The following COQ8B variants were observed in gnomAD, a reference collection of about 807,000 sequenced individuals.
The protein encoded by COQ8B is coenzyme Q8B, also known as atypical kinase COQ8B, mitochondrial.
COQ8B carries 44 observed loss-of-function variants against 62.0 expected under a neutral mutation model. The observed-to-expected ratio is 0.71, with a 90% CI of 0.56 to 0.91. The LOEUF is 0.91. Among genes scored for constraint, COQ8B ranks in the 40% least tolerant of loss-of-function variants. COQ8B has a pLI of 0.00. For synonymous variants in COQ8B, 252 were observed against 289.9 expected, an observed-to-expected ratio of 0.87 and a Z score of 1.33; for missense variants, 649 against 731.6, an observed-to-expected ratio of 0.89 and a Z score of 1.30.
intron 12 of COQ8B, among the ~76,000 whole-genome samples, chr19:40,697,839 T>TATATAC: frequency 2.1e-5 from 1 of 47,644 alleles, no homozygotes; most frequent in East Asian, 4.7e-4. Context: ...TATATATATA[T>TATATAC]ATATATATAT....
At chr19:40,714,702 CCT>C (rs1330306855) in intron 1 of COQ8B, 67 bp from the exon 2 acceptor site, 6 of 1,424,648 alleles carry the variant, frequency 4.2e-6, no homozygotes, top group Middle Eastern at 1.8e-4. Flanking sequence ...CCCCCATGTT[CCT>C]CTGTGTCCAC....
Position 40,714,128 on chromosome 19 carries a change from ACTC to A in COQ8B, c.225_227del (p.Ser76del), listed in dbSNP as rs1348325174. 6.2e-7 allele frequency: 1 copy of A among 1,614,156 alleles called. No individual in the cohort carries two copies. Among genetic ancestry groups the A allele is most frequent in the South Asian group, 1.1e-5 (1 of 91,084 alleles). ...GCACCTTGCGTTCTCGAGAGCGGTC[ACTC>A]AGCTGGGAAATGGGGACAAGGTCTG... is the stretch of plus-strand genomic sequence containing the variant. On this transcript the variant is annotated inframe_deletion and splice_region_variant, in exon 4 of 15. Coordinates refer to ENST00000324464, the MANE Select transcript of COQ8B (RefSeq NM_024876.4).
At chr19:40,693,795 T>G (rs2081992060) in intron 13 of COQ8B, among the ~76,000 whole-genome samples, 1 of 152,104 alleles carries the variant, frequency 6.6e-6, no homozygotes, top group Non-Finnish European at 1.5e-5. Flanking sequence ...AATACTATAA[T>G]CTACCATTAT....
intron 5 of COQ8B, among the ~76,000 whole-genome samples, chr19:40,708,566 G>T (rs535185275): frequency 4.7e-4 from 72 of 152,160 alleles, no homozygotes; most frequent in African/African-American, 1.7e-3. Context: ...GTGGCAGAGT[G>T]GGGTGTAGAC....
At chr19:40,707,434 T>C (rs2082109114) in intron 5 of COQ8B, among the ~76,000 whole-genome samples, 1 of 151,784 alleles carries the variant, frequency 6.6e-6, no homozygotes, top group Non-Finnish European at 1.5e-5. Context: ...GGTTTTTCAG[T>C]GTGTGGTTGC....
chr19:40,692,092 G>A lies in COQ8B; in HGVS notation c.1578C>T (p.Asp526=), dbSNP rs56276635. ...YHRYWASRQP[D]AATAGSLPTK... ...TGGGGAGGCTGCCGGCAGTGGCTGCGTCTGGCTGGCGACTGGCCCAGTAGC... is the reference window on the plus strand; with the variant it reads ...TGGGGAGGCTGCCGGCAGTGGCTGCATCTGGCTGGCGACTGGCCCAGTAGC... The change falls in exon 15 of 15, where the codon GAC becomes GAT. Residue 526 remains aspartate (D), a synonymous_variant. Coordinates refer to ENST00000324464, the MANE Select transcript of COQ8B (RefSeq NM_024876.4). The A allele has an allele frequency of 8.0e-3, 12,944 of 1,608,906 alleles. 136 individuals carry two copies. The highest frequency in any genetic ancestry group is 0.04 in the East Asian group (1,783 of 44,678).
chr19:40,704,257 C>G (rs1291801498), intron 7 of COQ8B: 1 of 167,644 alleles, frequency 6.0e-6, no homozygotes, highest in African/African-American at 2.4e-5. Flanking sequence ...TCAAGCCATC[C>G]TCCTGCCTCC....
intron 4 of COQ8B, among the ~76,000 whole-genome samples, chr19:40,712,378 T>C (rs2082148668): frequency 7.1e-6 from 1 of 140,632 alleles, no homozygotes; most frequent in Admixed American, 7.3e-5. Context: ...ATCGAGACCA[T>C]CCTGGCCAAC....
In COQ8B at chr19:40,692,469, G is replaced by A. The variant is rs2081980710; in HGVS notation, c.1297-96C>T. 7 of 1,078,152 alleles carry A rather than the reference G, an allele frequency of 6.5e-6. No individual in the cohort carries two copies. The South Asian group carries it at 8.9e-5, about 14-fold the overall frequency. 66.8% of individuals were successfully genotyped at this position (1,078,152 alleles called of 1,614,324 possible). On this transcript the variant is annotated intron_variant, in intron 14 of 14. Transcript: ENST00000324464. The stretch of plus-strand genomic sequence containing the variant: ...CAACGTGTAGCCTCCACTCCCTCCA[G>A]TCTCCACCATCAACACAAGCCCCGA...
chr19:40,694,324 T>C (rs566087881), intron 13 of COQ8B, among the ~76,000 whole-genome samples: 38 of 152,316 alleles, frequency 2.5e-4, no homozygotes, highest in Non-Finnish European at 4.7e-4. Flanking sequence ...AGAGACCACT[T>C]CTTATTCAGA....
chr19:40,705,125 C>T lies in COQ8B; in HGVS notation c.547G>A (p.Ala183Thr), dbSNP rs760103716. 29 of 1,611,786 alleles carry T rather than the reference C, an allele frequency of 1.8e-5. No homozygotes were observed. Among genetic ancestry groups the T allele is most frequent in the Admixed American group, 3.4e-5 (2 of 59,584 alleles). The change falls in exon 7 of 15, where the codon GCC becomes ACC. Residue 183 changes from alanine (A) to threonine (T), a missense_variant. Ala to Thr is a moderately conservative substitution (Grantham distance 58, BLOSUM62 0). Coordinates refer to ENST00000324464, the MANE Select transcript of COQ8B (RefSeq NM_024876.4). ...ATCTGCCAGCGGGGCATGAAGTCGG[C>T]GCTCTGGCGGACCCGCTCAAAGATG... ...QHIFERVRQSADFMPRWQMLR... is the reference protein window; with the variant it reads ...QHIFERVRQSTDFMPRWQMLR...
intron 12 of COQ8B, among the ~76,000 whole-genome samples, chr19:40,696,647 AGAGT>A (rs1481815931): frequency 2.1e-4 from 32 of 149,672 alleles, no homozygotes; most frequent in African/African-American, 7.9e-4. Context: ...CCTGGGCAAC[AGAGT>A]GAGACTCCGT....
rs55973839 is a variant in COQ8B, at chr19:40,703,617, G to C, written c.723C>G (p.Pro241=). 2 of 1,612,802 alleles carry C rather than the reference G, an allele frequency of 1.2e-6. No individual in the cohort carries two copies. Among genetic ancestry groups the C allele is most frequent in the Non-Finnish European group, 1.7e-6 (2 of 1,179,150 alleles). The change falls in exon 9 of 15, where the codon CCC becomes CCG. Residue 241 remains proline (P), a synonymous_variant. Transcript: ENST00000324464. ...CGCTCTGAATGCTCTGGGCTATGCC[G>C]GGGTACTGTAAAGGGAGAAGGGAGG... is the stretch of plus-strand genomic sequence containing the variant. The part of the protein sequence containing the change: ...GTEVAVKIQY[P]GIAQSIQSDV...
chr19:40,715,158 C>T, intron 1 of COQ8B: 1 of 986,384 alleles, frequency 1.0e-6, no homozygotes, highest in Non-Finnish European at 1.2e-6. Context: ...GGCGCGGCAG[C>T]AACTCGCTGA....
intron 13 of COQ8B, among the ~76,000 whole-genome samples, chr19:40,694,242 T>C (rs546770380): frequency 6.6e-6 from 1 of 152,308 alleles, no homozygotes; most frequent in East Asian, 1.9e-4. Context: ...TCCCATGGAC[T>C]GCCAGCTGGG....
intron 1 of COQ8B, chr19:40,715,803 T>G (rs2082180923): frequency 5.6e-6 from 1 of 177,300 alleles, no homozygotes; most frequent in South Asian, 1.9e-4. Context: ...GTCAGGAACC[T>G]TGGCATCCCA....
intron 12 of COQ8B, among the ~76,000 whole-genome samples, 157 bp downstream of exon 12, chr19:40,699,910 A>G (rs1052272822): frequency 6.6e-6 from 1 of 152,196 alleles, no homozygotes; most frequent in Non-Finnish European, 1.5e-5. Context: ...GCAAAACCAC[A>G]AAAGGGAAGG....
rs1452629714 is a variant in COQ8B, at chr19:40,714,615, C to T, written c.18G>A (p.Gly6=). 1.2e-6 allele frequency: 2 copies of T among 1,609,576 alleles called. No homozygotes were observed. The highest frequency in any genetic ancestry group is 1.7e-6 in the Non-Finnish European group (2 of 1,178,044). Residue 6 remains glycine, a synonymous_variant, in exon 2 of 15, where the codon GGG becomes GGA. Transcript: ENST00000324464. The stretch of plus-strand genomic sequence containing the variant: ...GTCCACCGGTCCCCCGAAGTAGGCC[C>T]CCCACCTTCAGCCACATTGCCTGGA... MWLKV[G]GLLRGTGGQL... is the part of the protein sequence containing the mutation.
chr19:40,715,473 T>G (rs934466877), intron 1 of COQ8B: 7 of 985,456 alleles, frequency 7.1e-6, no homozygotes, highest in Non-Finnish European at 3.6e-6. Context: ...ACAATTCCTT[T>G]GAATACACAT....
Sources: allele counts gnomAD v4.1 joint callset (sites outside exome capture counted in the v4.1 genomes callset), GRCh38; gene constraint gnomAD v4.1.1; transcripts MANE v1.5; gene names NCBI Gene and HGNC (gene_info 2026-07-23, HGNC 2026-07-21).